Variants in CSMD2 observed in about 807,000 individuals in gnomAD.
CSMD2 encodes CUB and sushi domain-containing protein 2.
CSMD2 carries 130 observed loss-of-function variants against 398.5 expected under a neutral mutation model. The observed-to-expected ratio is 0.33, with a 90% confidence interval of 0.28 to 0.38. The LOEUF is 0.38. CSMD2 is among the 10% of genes least tolerant of loss of function. The pLI is 1.00. For synonymous variants in CSMD2, 1,828 were observed against 1,908.5 expected (o/e 0.96, Z 1.10); for missense variants, 3,829 against 4,764.9 (o/e 0.80, Z 5.78).
At chr1:33,818,228 A>G (rs1657695577) in intron 9 of CSMD2, among the ~76,000 whole-genome samples, 1 of 152,198 alleles carries the variant, frequency 6.6e-6, no homozygotes, top group Non-Finnish European at 1.5e-5. Context: ...GCCTCTCTGC[A>G]CAGCTGGTGT....
intron 22 of CSMD2, among the ~76,000 whole-genome samples, chr1:33,703,985 C>A (rs986798807): frequency 6.6e-6 from 1 of 152,118 alleles, no homozygotes; most frequent in Non-Finnish European, 1.5e-5. Flanking sequence ...GAATTGCCTG[C>A]CTTTTCATAC....
At chr1:34,130,221 T>G (rs1471377731) in intron 1 of CSMD2, among the ~76,000 whole-genome samples, 1 of 151,986 alleles carries the variant, frequency 6.6e-6, no homozygotes, top group Non-Finnish European at 1.5e-5. Flanking sequence ...GATCATATAA[T>G]GAGCATGATC....
At chr1:33,668,284 A>G (rs1644380357) in intron 25 of CSMD2, among the ~76,000 whole-genome samples, 1 of 152,200 alleles carries the variant, frequency 6.6e-6, no homozygotes, top group Non-Finnish European at 1.5e-5. Context: ...AGTCATTGGT[A>G]TATTTTAAGC....
At chr1:33,869,398 G>A (rs1419348024) in intron 5 of CSMD2, 1 of 152,198 alleles carries the variant, frequency 6.6e-6, no homozygotes, top group Non-Finnish European at 1.5e-5. Context: ...TCCTATCTCT[G>A]GGATATGTTT....
intron 2 of CSMD2, among the ~76,000 whole-genome samples, chr1:34,087,020 G>A (rs1248255361): frequency 6.6e-6 from 1 of 152,048 alleles, no homozygotes; most frequent in Non-Finnish European, 1.5e-5. Flanking sequence ...CACCTGGGAT[G>A]ATCTAGAATG....
intron 5 of CSMD2, among the ~76,000 whole-genome samples, chr1:33,851,818 A>G (rs1638730449): frequency 6.6e-6 from 1 of 152,154 alleles, no homozygotes; most frequent in South Asian, 2.1e-4. Flanking sequence ...ATGATGTTAT[A>G]TATTTTCCAG....
chr1:33,623,411 T>G lies in CSMD2; in HGVS notation c.5681A>C (p.Asp1894Ala). ...EQNWDSLEVF[D>A]GADNTVTMLG... ...CATGGTTACAGTGTTATCTGCACCA[T>G]CAAATACTTCCAGCGAGTCCCAGTT... The change falls in exon 36 of 71, where the codon GAT (aspartate) becomes GCT (alanine). Residue 1894 changes from aspartate to alanine, a missense_variant. Transcript: ENST00000373381. The G allele has an allele frequency of 6.2e-7, 1 of 1,614,154 alleles. No individual in the cohort carries two copies. The highest frequency in any genetic ancestry group is 8.5e-7 in the Non-Finnish European group (1 of 1,180,024).
At chr1:33,593,879 A>T (rs1454144987) in intron 44 of CSMD2, among the ~76,000 whole-genome samples, 1 of 152,108 alleles carries the variant, frequency 6.6e-6, no homozygotes, top group Non-Finnish European at 1.5e-5. Context: ...GTGATTTAGA[A>T]GTACTATACT....
rs540626483 is a variant in CSMD2, at chr1:34,063,827, C to A, written c.404+25150G>T. 7.9e-5 allele frequency among the ~76,000 whole-genome samples: 12 copies of A among 152,328 alleles called. No homozygotes were observed. In the East Asian group the frequency reaches 1.4e-3, roughly 17 times the overall value. On this transcript the variant is annotated intron_variant, in intron 2 of 70. Transcript: ENST00000373381. Reference sequence around the variant, plus strand: ...CCTAGCAGAGGTTCTCCATGAGGGCCCCGCCCGTACAGCAAACTTTTGCCT... The same window carrying A: ...CCTAGCAGAGGTTCTCCATGAGGGCACCGCCCGTACAGCAAACTTTTGCCT...
At chr1:33,827,195 A>G (rs1387759365) in intron 6 of CSMD2, among the ~76,000 whole-genome samples, 1 of 152,168 alleles carries the variant, frequency 6.6e-6, no homozygotes, top group Non-Finnish European at 1.5e-5. Flanking sequence ...GATCCTATTA[A>G]AACATAAGTC....
intron 5 of CSMD2, among the ~76,000 whole-genome samples, chr1:33,852,770 A>T (rs185538209): frequency 6.6e-6 from 1 of 152,234 alleles, no homozygotes; most frequent in African/African-American, 2.4e-5. Context: ...CAGAACAAAT[A>T]CATTTCATAG....
Position 33,542,864 on chromosome 1 carries a change from T to G in CSMD2, c.9133A>C (p.Asn3045His). The G allele has an allele frequency of 1.2e-6, 2 of 1,614,212 alleles. No homozygotes were observed. Among genetic ancestry groups the G allele is most frequent in the Non-Finnish European group, 1.7e-6 (2 of 1,180,038 alleles). Residue 3045 changes from asparagine (N) to histidine (H), a missense_variant, in exon 58 of 71, where the codon AAT (asparagine) becomes CAT (histidine). Around this residue, in one of 5 missense-constraint regions of CSMD2, gnomAD observed 917 missense variants for 1,199.5 expected, o/e 0.76. Coordinates refer to ENST00000373381, the MANE Select transcript of CSMD2 (RefSeq NM_001281956.2). ...ISCGNPGTPS[N>H]ARVVFSDGLV... ...CCATCACTGAACACAACTCGGGCAT[T>G]ACTTGGAGTCCCAGGGTTCCCACAA...
chr1:34,002,135 T>C (rs898452401), intron 3 of CSMD2, among the ~76,000 whole-genome samples: 11 of 152,312 alleles, frequency 7.2e-5, no homozygotes, highest in African/African-American at 2.2e-4. Flanking sequence ...AATCTGTCTT[T>C]CCAGCATTAG....
chr1:33,561,468 C>T (rs1198180742), intron 53 of CSMD2, among the ~76,000 whole-genome samples: 2 of 152,174 alleles, frequency 1.3e-5, no homozygotes, highest in African/African-American at 2.4e-5. Context: ...AAAATAGATT[C>T]AATTCACATA....
intron 3 of CSMD2, among the ~76,000 whole-genome samples, chr1:33,947,599 G>A (rs1167440133): frequency 6.6e-6 from 1 of 152,132 alleles, no homozygotes; most frequent in Non-Finnish European, 1.5e-5. Context: ...CTCCTTCCAA[G>A]AAGAGTTAGA....
At chr1:33,566,723 T>A (rs1659089252) in intron 53 of CSMD2, among the ~76,000 whole-genome samples, 1 of 152,196 alleles carries the variant, frequency 6.6e-6, no homozygotes, top group African/African-American at 2.4e-5. Context: ...AAAACCACAA[T>A]GTGCAATGGA....
Position 33,772,867 on chromosome 1 carries a change from T to G in CSMD2, c.1664-116A>C, listed in dbSNP as rs187429778. The G allele has an allele frequency of 1.1e-3, 930 of 821,150 alleles. 5 individuals carry two copies. In the African/African-American group the frequency reaches 0.013, roughly 11 times the overall value. The allele number at this position is 821,150 out of a possible 1,614,324, so 50.9% of individuals were successfully genotyped here. A position where few individuals can be genotyped will look rare whatever the true frequency, so the allele number is the denominator to read the frequency against. Reference sequence around the variant, plus strand: ...TTCTGCCATAAGTCAGTGCTCAGAGTGACACAGGTAGGATTCAACGTTCTT... The same window carrying G: ...TTCTGCCATAAGTCAGTGCTCAGAGGGACACAGGTAGGATTCAACGTTCTT... On this transcript the variant is annotated intron_variant, in intron 12 of 70. Coordinates refer to ENST00000373381, the MANE Select transcript of CSMD2 (RefSeq NM_001281956.2).
chr1:34,108,953 G>T (rs1459131063), intron 1 of CSMD2, among the ~76,000 whole-genome samples: 1 of 152,162 alleles, frequency 6.6e-6, no homozygotes, highest in Non-Finnish European at 1.5e-5. Flanking sequence ...GGGGTGGTAA[G>T]ACTTGAAATC....
At chr1:33,822,331 T>C (rs1250417178) in intron 7 of CSMD2, among the ~76,000 whole-genome samples, 1 of 151,980 alleles carries the variant, frequency 6.6e-6, no homozygotes, top group Non-Finnish European at 1.5e-5. Flanking sequence ...ATGCAGGTGG[T>C]TTCATAGAAG....
Sources: allele counts gnomAD v4.1 joint callset (sites outside exome capture counted in the v4.1 genomes callset), GRCh38; gene constraint gnomAD v4.1.1; regional missense constraint gnomAD v4.1.1; transcripts MANE v1.5; gene names NCBI Gene and HGNC (gene_info 2026-07-23, HGNC 2026-07-21).